Variants in DPP6 observed in about 807,000 individuals in gnomAD.
DPP6 encodes the protein A-type potassium channel modulatory protein DPP6.
A neutral mutation model predicts 122.6 loss-of-function variants in DPP6; 69 were observed. The ratio of observed to expected loss-of-function variants is 0.56; its 90% CI spans 0.46 to 0.69. The LOEUF is 0.69. DPP6 is among the 30% of genes least tolerant of loss of function. The probability of loss-of-function intolerance (pLI) is 0.00; values close to 1 mark genes in which losing one functional copy is unlikely to be tolerated. For synonymous variants in DPP6, 418 were observed against 433.1 expected, an observed-to-expected ratio of 0.97 and a Z score of 0.43; for missense variants, 928 against 1,116.9, an observed-to-expected ratio of 0.83 and a Z score of 2.41.
chr7:153,929,504 T>A (rs1164201747), intron 1 of DPP6, among the ~76,000 whole-genome samples: 1 of 151,494 alleles, frequency 6.6e-6, no homozygotes, highest in Non-Finnish European at 1.5e-5. Flanking sequence ...TTCTTAGGAG[T>A]CATCAGCAAC....
chr7:154,715,601 G>A (rs1045879955), intron 7 of DPP6, among the ~76,000 whole-genome samples: 2 of 152,158 alleles, frequency 1.3e-5, no homozygotes, highest in African/African-American at 2.4e-5. Context: ...CCCTGCAGCC[G>A]TCAAATGTGA....
At chr7:154,001,519 C>T (rs1797689297) in intron 1 of DPP6, among the ~76,000 whole-genome samples, 1 of 150,812 alleles carries the variant, frequency 6.6e-6, no homozygotes. Flanking sequence ...CCTCACTCTG[C>T]CTCCCCACCC....
At chr7:154,101,098 A>C (rs62487164) in intron 1 of DPP6, among the ~76,000 whole-genome samples, 52,698 of 122,964 alleles carry the variant, frequency 0.43, 14,210 homozygotes, top group African/African-American at 0.55. Context: ...TATCTAACTG[A>C]CCAGTTGGAC....
chr7:154,494,117 G>A (rs1327486443), intron 3 of DPP6, among the ~76,000 whole-genome samples: 1 of 152,124 alleles, frequency 6.6e-6, no homozygotes, highest in African/African-American at 2.4e-5. Flanking sequence ...CCTTTGGGAG[G>A]CCAAAGCCGA....
chr7:154,792,203 G>A lies in DPP6; in HGVS notation c.1137-1876G>A, dbSNP rs139991803. ...TAAGTGCAGGGTACCCTGTGGCTTC[G>A]CCACTGCCCCCATTGTGGACATGGA... On this transcript the variant is annotated intron_variant, in intron 10 of 25. Transcript: ENST00000377770. Among the ~76,000 whole-genome samples, 21 of 152,346 alleles carry A rather than the reference G, an allele frequency of 1.4e-4. No homozygotes were observed. The East Asian group carries it at 2.9e-3, about 21-fold the overall frequency.
rs1213262843 is a variant in DPP6 at position 154,416,302 on chromosome 7, T to C, written c.244-29912T>C. On this transcript the variant is annotated intron_variant, in intron 1 of 25. Transcript: ENST00000377770. ...GGATCACCCAAGCAGATGATCCTGC[T>C]TCTAACCTATTGTCAGAAGGTCAGT... Among the ~76,000 whole-genome samples, 3 of 152,234 alleles carry C rather than the reference T, an allele frequency of 2.0e-5. No individual in the cohort carries two copies. The East Asian group carries it at 5.8e-4, about 30-fold the overall frequency.
the DPP6 span, among the ~76,000 whole-genome samples, chr7:153,817,475 G>A: frequency 6.7e-6 from 1 of 149,476 alleles, no homozygotes; most frequent in Non-Finnish European, 1.5e-5. Flanking sequence ...GGAAGGGAAG[G>A]ATTTCACACA....
chr7:154,754,620 C>T (rs1843568096), intron 8 of DPP6, among the ~76,000 whole-genome samples: 1 of 152,206 alleles, frequency 6.6e-6, no homozygotes, highest in African/African-American at 2.4e-5. Context: ...CAAAGTCAGT[C>T]TCAGTATAAT....
intron 2 of DPP6, among the ~76,000 whole-genome samples, chr7:154,472,750 C>A (rs1437099260): frequency 2.6e-5 from 4 of 152,120 alleles, no homozygotes; most frequent in Non-Finnish European, 4.4e-5. Flanking sequence ...TACAGAGAGG[C>A]CAGCAGTGAG....
At chr7:154,402,311 A>C (rs1354725442) in intron 1 of DPP6, among the ~76,000 whole-genome samples, 4 of 151,770 alleles carry the variant, frequency 2.6e-5, no homozygotes, top group Non-Finnish European at 4.4e-5. Flanking sequence ...ATGTTTATTG[A>C]GGCATTATTC....
intron 1 of DPP6, among the ~76,000 whole-genome samples, chr7:154,419,351 C>T (rs944033605): frequency 1.3e-5 from 2 of 152,200 alleles, no homozygotes; most frequent in African/African-American, 2.4e-5. Context: ...TACAGATAGT[C>T]ATCCTTCCAG....
chr7:153,784,510 T>C, the DPP6 span, among the ~76,000 whole-genome samples: 1 of 152,364 alleles, frequency 6.6e-6, no homozygotes, highest in East Asian at 1.9e-4. Context: ...TTAGTTCTTC[T>C]TGTTTTAGAA....
the DPP6 span, among the ~76,000 whole-genome samples, chr7:153,830,491 T>G: frequency 1.3e-5 from 2 of 152,238 alleles, no homozygotes; most frequent in Non-Finnish European, 2.9e-5. Context: ...CTTTCTCAAC[T>G]TTCCAAGAGC....
At chr7:154,065,244 G>A (rs1160429983) in intron 1 of DPP6, among the ~76,000 whole-genome samples, 4 of 151,084 alleles carry the variant, frequency 2.6e-5, no homozygotes, top group Admixed American at 6.6e-5. Flanking sequence ...GAAATAGACC[G>A]GAAGAAGGGG....
Position 154,887,717 on chromosome 7 carries a change from G to C in DPP6, c.2287G>C (p.Asp763His). The change falls in exon 23 of 26, where the codon GAC (aspartate) becomes CAC (histidine). Residue 763 changes from aspartate to histidine, a missense_variant. Coordinates refer to ENST00000377770, the MANE Select transcript of DPP6 (RefSeq NM_130797.4). ...SERYLGLHGLDNRAYEMTKVA... is the reference protein window; with the variant it reads ...SERYLGLHGLHNRAYEMTKVA... ...GAGGTACTTGGGCCTCCATGGACTT[G>C]ACAACAGAGCATACGAGGTGTGTAT... 6.2e-7 allele frequency: 1 copy of C among 1,613,874 alleles called. No homozygotes were observed. The highest frequency in any genetic ancestry group is 1.3e-5 in the African/African-American group (1 of 75,020).
At chr7:154,054,262 C>T (rs1014906318) in intron 1 of DPP6, among the ~76,000 whole-genome samples, 1 of 152,196 alleles carries the variant, frequency 6.6e-6, no homozygotes, top group Non-Finnish European at 1.5e-5. Flanking sequence ...AGCCTCCAGC[C>T]ACGCTGGTTC....
intron 7 of DPP6, among the ~76,000 whole-genome samples, chr7:154,703,670 G>T (rs1324325086): frequency 1.3e-5 from 2 of 151,782 alleles, no homozygotes; most frequent in African/African-American, 4.8e-5. Context: ...GGGCATGGTG[G>T]CTCACGCCTG....
intron 1 of DPP6, among the ~76,000 whole-genome samples, chr7:154,167,419 G>C (rs1267983998): frequency 6.6e-6 from 1 of 152,238 alleles, no homozygotes; most frequent in Non-Finnish European, 1.5e-5. Flanking sequence ...GCAAAGCCAT[G>C]TTCAGAATAT....
chr7:153,910,720 C>T (rs1800052569), intron 1 of DPP6, among the ~76,000 whole-genome samples: 1 of 152,182 alleles, frequency 6.6e-6, no homozygotes. Flanking sequence ...CCTGGGCTTC[C>T]TGACCTTGGT....
Sources: allele counts gnomAD v4.1 joint callset (sites outside exome capture counted in the v4.1 genomes callset), GRCh38; gene constraint gnomAD v4.1.1; transcripts MANE v1.5; gene names NCBI Gene and HGNC (gene_info 2026-07-23, HGNC 2026-07-21).